Variants in JAG2 observed in about 807,000 individuals in gnomAD.
JAG2 encodes protein jagged-2.
JAG2 carries 46 observed loss-of-function variants against 141.7 expected under a neutral mutation model. The observed-to-expected ratio is 0.32, with a 90% CI of 0.26 to 0.42. The LOEUF (loss-of-function observed/expected upper bound fraction) is 0.42, where lower values mean the gene tolerates loss of function less well. Ranked by LOEUF, JAG2 falls within the 10% of genes least tolerant of loss-of-function variation. The pLI, the probability that JAG2 is intolerant of heterozygous loss-of-function variation, is 1.00. For missense variants in JAG2, 1,500 were observed against 1,817.5 expected, an observed-to-expected ratio of 0.83 and a Z score of 3.18; for synonymous variants, 862 against 763.5, an observed-to-expected ratio of 1.13 and a Z score of -2.13.
chr14:105,158,663 C>T (rs947609908), intron 2 of JAG2, among the ~76,000 whole-genome samples: 1 of 152,094 alleles, frequency 6.6e-6, no homozygotes, highest in South Asian at 2.1e-4. Flanking sequence ...CCACATTCCA[C>T]AGCCTCTCAG....
At chr14:105,143,364 G>A in intron 25 of JAG2, 118 bp downstream of exon 25, 3 of 1,339,900 alleles carry the variant, frequency 2.2e-6, no homozygotes, top group Non-Finnish European at 3.1e-6. Flanking sequence ...GGGGCAGCAG[G>A]TGCCAGGGAC....
chr14:105,151,377 C>A lies in JAG2; in HGVS notation c.1173G>T (p.Ser391=). 6.2e-7 allele frequency: 1 copy of A among 1,611,488 alleles called. No individual in the cohort carries two copies. The highest frequency in any genetic ancestry group is 8.5e-7 in the Non-Finnish European group (1 of 1,179,952). The part of the protein sequence containing the change: ...TCALDIDECA[S]NPCAAGGTCV... Reference sequence around the variant, plus strand: ...AGGTGCCACCGGCCGCACACGGGTTCGAAGCACACTCATCGATGTCTGCAG... The same window carrying A: ...AGGTGCCACCGGCCGCACACGGGTTAGAAGCACACTCATCGATGTCTGCAG... Residue 391 remains serine (S), a synonymous_variant, in exon 9 of 26, where the codon TCG becomes TCT. Transcript: ENST00000331782.
At position 105,142,414 on chromosome 14, in the gene JAG2, G is replaced by A. The variant is rs924848617; in HGVS notation, c.*281C>T. 15 of 421,152 alleles carry A rather than the reference G, an allele frequency of 3.6e-5. No individual in the cohort carries two copies. The highest frequency in any genetic ancestry group is 6.0e-5 in the Non-Finnish European group (14 of 233,890). The allele number at this position is 421,152 out of a possible 1,614,324, so 26.1% of individuals were successfully genotyped here. ...ACAAACGCTACGATTTGGTGACGAC[G>A]CAGACACCCTTTGCTCTCTCCTTTC... On this transcript the variant is annotated 3_prime_UTR_variant, in exon 26 of 26. Transcript: ENST00000331782.
rs587732299 is a variant in JAG2, at chr14:105,163,132, G to A, written c.417+4625C>T. 9.2e-5 allele frequency among the ~76,000 whole-genome samples: 14 copies of A among 152,244 alleles called. No homozygotes were observed. The South Asian group carries it at 2.7e-3, about 29-fold the overall frequency. ...CCTCGGCCTCCCGCATCAGCCTCCC[G>A]CCCCCTACGGAGCACAGCGCTTGGT... On this transcript the variant is annotated intron_variant, in intron 2 of 25. Transcript: ENST00000331782.
At position 105,142,751 on chromosome 14, in the gene JAG2, C is replaced by T; in HGVS notation, c.3661G>A (p.Val1221Met). ...ATGCTCCTGACCGCGCGGTTGTCCA[C>T]TTTGGGGCCTGAGGCCCAGTGGGCC... Reference protein sequence around the residue: ...RPAHWASGPKVDNRAVRSINE... With the variant: ...RPAHWASGPKMDNRAVRSINE... Residue 1221 changes from valine (V) to methionine (M), a missense_variant, in exon 26 of 26, where the codon GTG (valine) becomes ATG (methionine). Val to Met is a conservative substitution (Grantham distance 21). Around this residue, in one of 3 missense-constraint regions of JAG2, gnomAD observed 425 missense variants for 441.0 expected, o/e 0.96. Transcript: ENST00000331782. 3 of 1,610,096 alleles carry T rather than the reference C, an allele frequency of 1.9e-6. No individual in the cohort carries two copies. Among genetic ancestry groups the T allele is most frequent in the Non-Finnish European group, 2.5e-6 (3 of 1,178,786 alleles).
In JAG2 at chr14:105,141,085, T is replaced by G. The variant is rs183701262; in HGVS notation, c.*1610A>C. ...TCAGCAGGACTTTTTTTTTCTCTTT[T>G]GTACAGATCTGGTTCTTGGCTTTGC... On this transcript the variant is annotated 3_prime_UTR_variant, in exon 26 of 26. Coordinates refer to ENST00000331782, the MANE Select transcript of JAG2 (RefSeq NM_002226.5). The G allele has an allele frequency of 1.3e-5, 2 of 152,372 alleles. No homozygotes were observed. The highest frequency in any genetic ancestry group is 4.8e-5 in the African/African-American group (2 of 41,588). The allele number at this position is 152,372 out of a possible 1,614,324, so 9.4% of individuals were successfully genotyped here. A position where few individuals can be genotyped will look rare whatever the true frequency, so the allele number is the denominator to read the frequency against.
chr14:105,160,875 A>C, intron 2 of JAG2, among the ~76,000 whole-genome samples: 1 of 152,016 alleles, frequency 6.6e-6, no homozygotes. Flanking sequence ...AAAAAAAAAA[A>C]AAAAGGCCAG....
At chr14:105,150,241 C>G (rs1271888461) in intron 12 of JAG2, among the ~76,000 whole-genome samples, 1 of 151,960 alleles carries the variant, frequency 6.6e-6, no homozygotes, top group African/African-American at 2.4e-5. Flanking sequence ...AGGTGTATAC[C>G]TCTCCACCAT....
At position 105,168,526 on chromosome 14, in the gene JAG2, G is replaced by T. The variant is rs1299254807; in HGVS notation, c.-106C>A. On this transcript the variant is annotated 5_prime_UTR_variant, in exon 1 of 26. Transcript: ENST00000331782. Reference sequence around the variant, plus strand: ...CGCCCGCCCTCCGAGCGCCCGCAGAGGCAGCGGCAGCGGCAGAGGCGGCGG... The same window carrying T: ...CGCCCGCCCTCCGAGCGCCCGCAGATGCAGCGGCAGCGGCAGAGGCGGCGG... The T allele has an allele frequency of 6.2e-6, 1 of 161,598 alleles. No homozygotes were observed. The highest frequency in any genetic ancestry group is 2.5e-5 in the African/African-American group (1 of 40,630). 10.0% of individuals were successfully genotyped at this position (161,598 alleles called of 1,614,324 possible). A position where few individuals can be genotyped will look rare whatever the true frequency, so the allele number is the denominator to read the frequency against.
At chr14:105,144,313 C>T (rs954237497) in intron 24 of JAG2, among the ~76,000 whole-genome samples, 1 of 152,150 alleles carries the variant, frequency 6.6e-6, no homozygotes, top group African/African-American at 2.4e-5. Context: ...TCTTCCCCTG[C>T]CCCTACTGCC....
intron 23 of JAG2, among the ~76,000 whole-genome samples, chr14:105,145,473 C>T (rs911037323): frequency 1.2e-4 from 19 of 152,340 alleles, no homozygotes; most frequent in African/African-American, 4.1e-4. Flanking sequence ...GCCATGGCGC[C>T]GTCAGTCCAG....
intron 25 of JAG2, 92 bp from the exon 26 acceptor site, chr14:105,143,262 C>A: frequency 1.4e-6 from 2 of 1,453,418 alleles, no homozygotes; most frequent in Non-Finnish European, 1.9e-6. Flanking sequence ...GCCCTGCGGG[C>A]CAGGCGGCCG....
At chr14:105,151,767 C>A in intron 7 of JAG2, 28 bp from the exon 8 acceptor site, 1 of 1,602,612 alleles carries the variant, frequency 6.2e-7, no homozygotes, top group Non-Finnish European at 8.5e-7. Context: ...GGGGGCAGAG[C>A]TGGCAGCCAG....
chr14:105,153,087 C>T (rs1417824753), intron 5 of JAG2, among the ~76,000 whole-genome samples: 2 of 152,096 alleles, frequency 1.3e-5, no homozygotes, highest in East Asian at 1.9e-4. Context: ...CAGGCCCTGC[C>T]GGGACTCCCG....
At chr14:105,155,509 A>C in intron 5 of JAG2, 53 bp downstream of exon 5, 3 of 1,593,674 alleles carry the variant, frequency 1.9e-6, no homozygotes, top group Non-Finnish European at 2.6e-6. Context: ...TGTGCCAGTG[A>C]GGACGTGAGG....
Position 105,147,780 on chromosome 14 carries a change from C to T in JAG2, c.2357G>A (p.Cys786Tyr). The change falls in exon 18 of 26, where the codon TGC (cysteine) becomes TAC (tyrosine). Residue 786 changes from cysteine (C) to tyrosine (Y), a missense_variant. Cys to Tyr is a radical substitution (Grantham distance 194). This residue lies in a region of JAG2 where 875 missense variants were observed against 1,202.2 expected (regional missense o/e 0.73). Coordinates refer to ENST00000331782, the MANE Select transcript of JAG2 (RefSeq NM_002226.5). ...ACCCCTCCCACACTCACTGTGAGTG[C>T]AAGTACGACCCTCCCAGCCGTCCCG... is the stretch of plus-strand genomic sequence containing the variant. ...ICRDGWEGRT[C>Y]THNTNDCNPL... is the part of the protein sequence containing the mutation. 1 of 1,545,582 alleles carries T rather than the reference C, an allele frequency of 6.5e-7. No individual in the cohort carries two copies. Among genetic ancestry groups the T allele is most frequent in the Non-Finnish European group, 8.7e-7 (1 of 1,143,944 alleles).
In JAG2 at chr14:105,142,691, G is replaced by T; in HGVS notation, c.*4C>A. On this transcript the variant is annotated 3_prime_UTR_variant, in exon 26 of 26. Transcript: ENST00000331782. The stretch of plus-strand genomic sequence containing the variant: ...CTGGGTCCCGGCCCAGCTGGCAGCC[G>T]CCCCTACTCCTTGCCGGCGTAGCGG... The T allele has an allele frequency of 6.3e-7, 1 of 1,590,800 alleles. No homozygotes were observed.
chr14:105,152,189 G>A lies in JAG2; in HGVS notation c.891C>T (p.Thr297=), dbSNP rs771625934. The A allele has an allele frequency of 5.0e-6, 8 of 1,613,776 alleles. No individual in the cohort carries two copies. In the South Asian group the frequency reaches 8.8e-5, roughly 18 times the overall value. ...TGTCACAGAGCAGGCCGCCCCAGTT[G>A]GTCTCACAGTTGCACTGCCAGGGCT... The part of the protein sequence containing the change: ...CVEPWQCNCE[T]NWGGLLCDKD... Residue 297 remains threonine, a synonymous_variant, in exon 6 of 26, where the codon ACC becomes ACT. Coordinates refer to ENST00000331782, the MANE Select transcript of JAG2 (RefSeq NM_002226.5).
At position 105,155,577 on chromosome 14, in the gene JAG2, A is replaced by G; in HGVS notation, c.773T>C (p.Val258Ala). 1 of 1,612,872 alleles carries G rather than the reference A, an allele frequency of 6.2e-7. No individual in the cohort carries two copies. The highest frequency in any genetic ancestry group is 8.5e-7 in the Non-Finnish European group (1 of 1,179,970). ...GCACACTCACCTGCACTCCCCAGGC[A>G]CGGTGCATCCCCCGTGGAGCAAATT... ...GCNLLHGGCT[V>A]PGECRCSYGW... Residue 258 changes from valine (V) to alanine (A), a missense_variant, in exon 5 of 26, where the codon GTG (valine) becomes GCG (alanine). Physicochemically the swap from Val to Ala is moderately conservative, Grantham distance 64. Coordinates refer to ENST00000331782, the MANE Select transcript of JAG2 (RefSeq NM_002226.5).
Sources: gnomAD v4.1 joint callset for allele counts (sites outside exome capture counted in the v4.1 genomes callset) on GRCh38, gnomAD v4.1.1 for gene constraint, gnomAD v4.1.1 regional missense constraint, MANE v1.5 for transcripts, NCBI Gene and HGNC (gene_info 2026-07-23, HGNC 2026-07-21) for gene names.